Variants in ADAMTS8 observed in about 807,000 individuals in gnomAD.
The protein encoded by ADAMTS8 is A disintegrin and metalloproteinase with thrombospondin motifs 8.
ADAMTS8 carries 50 observed loss-of-function variants against 64.4 expected under a neutral mutation model. The observed-to-expected ratio is 0.78, with a 90% confidence interval of 0.62 to 0.98. The LOEUF (loss-of-function observed/expected upper bound fraction) is 0.98, where lower values mean the gene tolerates loss of function less well. ADAMTS8 is among the 50% of genes least tolerant of loss of function. ADAMTS8 has a pLI of 0.00. For synonymous variants in ADAMTS8, 556 were observed against 533.6 expected (o/e 1.04, Z -0.58); for missense variants, 1,192 against 1,208.2 (o/e 0.99, Z 0.20).
intron 2 of ADAMTS8, 101 bp downstream of exon 2, chr11:130,418,952 A>G (rs1862061941): frequency 1.3e-5 from 20 of 1,555,416 alleles, no homozygotes; most frequent in Non-Finnish European, 1.7e-5. Flanking sequence ...TGGGGCCAGC[A>G]GGGAGACGTT....
chr11:130,428,354 G>T lies in ADAMTS8; in HGVS notation c.-68C>A, dbSNP rs780502382. 1.2e-4 allele frequency: 154 copies of T among 1,240,546 alleles called. No homozygotes were observed. In the African/African-American group the frequency reaches 2.2e-3, roughly 18 times the overall value. 76.8% of individuals were successfully genotyped at this position (1,240,546 alleles called of 1,614,324 possible). On this transcript the variant is annotated 5_prime_UTR_variant, in exon 1 of 9. Transcript: ENST00000257359. Reference sequence around the variant, plus strand: ...CGCCAGGCGCGGGCAGGTGCTGGCGGCCCGAGCGCGGCCCGGCCGCTCTCT... The same window carrying T: ...CGCCAGGCGCGGGCAGGTGCTGGCGTCCCGAGCGCGGCCCGGCCGCTCTCT...
intron 1 of ADAMTS8, among the ~76,000 whole-genome samples, chr11:130,420,857 T>G (rs1862089955): frequency 6.6e-6 from 1 of 152,172 alleles, no homozygotes; most frequent in Non-Finnish European, 1.5e-5. Flanking sequence ...CACATCATTA[T>G]GCAACCGGGG....
At position 130,411,710 on chromosome 11, in the gene ADAMTS8, G is replaced by T. The variant is rs1303139007; in HGVS notation, c.1567-110C>A. On this transcript the variant is annotated intron_variant, in intron 5 of 8. Transcript: ENST00000257359. This position sits in a 1 kb window ranked among gnomAD's most constrained non-coding sequence, Gnocchi z 4.2. Reference sequence around the variant, plus strand: ...TTCCTCATCTAGTCATTATCATCTTGGTGCATGGAGTGCCGTAAACTGCCT... The same window carrying T: ...TTCCTCATCTAGTCATTATCATCTTTGTGCATGGAGTGCCGTAAACTGCCT... The T allele has an allele frequency of 3.5e-6, 4 of 1,127,856 alleles. No homozygotes were observed. The East Asian group carries it at 7.3e-5, about 21-fold the overall frequency. 69.9% of individuals were successfully genotyped at this position (1,127,856 alleles called of 1,614,324 possible). A position where few individuals can be genotyped will look rare whatever the true frequency, so the allele number is the denominator to read the frequency against.
Position 130,416,310 on chromosome 11 carries a change from G to C in ADAMTS8, c.1117C>G (p.His373Asp). 1 of 1,568,742 alleles carries C rather than the reference G, an allele frequency of 6.4e-7. No individual in the cohort carries two copies. Residue 373 changes from histidine to aspartate, a missense_variant, in exon 4 of 9, where the codon CAC becomes GAC. By Grantham distance (81) the His-to-Asp change is moderately conservative. Coordinates refer to ENST00000257359, the MANE Select transcript of ADAMTS8 (RefSeq NM_007037.6). This position sits in a 1 kb window ranked among gnomAD's most constrained non-coding sequence, Gnocchi z 4.8. ...CGTGTGCAGGGCTTGGAGTCGTCGTGGGGCATGCTGAGGACGTGCCCTGGG... is the reference window on the plus strand; with the variant it reads ...CGTGTGCAGGGCTTGGAGTCGTCGTCGGGCATGCTGAGGACGTGCCCTGGG... The part of the protein sequence containing the change: ...HELGHVLSMP[H>D]DDSKPCTRLF...
intron 5 of ADAMTS8, 66 bp downstream of exon 5, chr11:130,414,465 C>A: frequency 6.6e-7 from 1 of 1,514,202 alleles, no homozygotes. Context: ...GAACAGCCCT[C>A]AGTCCTCCCC....
At position 130,417,088 on chromosome 11, in the gene ADAMTS8, G is replaced by T. The variant is rs1205639575; in HGVS notation, c.961-13C>A. The T allele has an allele frequency of 6.2e-6, 10 of 1,613,504 alleles. No homozygotes were observed. Among genetic ancestry groups the T allele is most frequent in the Non-Finnish European group, 8.5e-6 (10 of 1,179,902 alleles). ...GCCCACAGAAGTTCTGCGTGGCGGG[G>T]AGAGAGCAAGAGAGTGCATCAGTGT... On this transcript the variant is annotated splice_polypyrimidine_tract_variant and intron_variant, in intron 2 of 8. Transcript: ENST00000257359.
intron 8 of ADAMTS8, 93 bp downstream of exon 8, chr11:130,408,371 A>G: frequency 2.1e-6 from 3 of 1,458,736 alleles, no homozygotes; most frequent in Non-Finnish European, 2.8e-6. Flanking sequence ...ACAGCTATTA[A>G]GTAGCAGCCA....
intron 5 of ADAMTS8, among the ~76,000 whole-genome samples, chr11:130,413,624 A>C (rs1861980726): frequency 6.6e-6 from 1 of 152,028 alleles, no homozygotes; most frequent in Non-Finnish European, 1.5e-5. Context: ...AAAAACCCTC[A>C]CTGGCACTGC....
At chr11:130,414,915 C>T in intron 4 of ADAMTS8, 83 bp from the exon 5 acceptor site, 1 of 1,388,790 alleles carries the variant, frequency 7.2e-7, no homozygotes, top group Non-Finnish European at 9.6e-7. Flanking sequence ...ATGGATGGCA[C>T]TGAAGGTCTA....
chr11:130,416,333 G>T lies in ADAMTS8; in HGVS notation c.1097-3C>A, dbSNP rs376564329. On this transcript the variant is annotated splice_polypyrimidine_tract_variant and splice_region_variant and intron_variant, in intron 3 of 8. Coordinates refer to ENST00000257359, the MANE Select transcript of ADAMTS8 (RefSeq NM_007037.6). The surrounding 1 kb of genome is among the most constrained non-coding windows in gnomAD (Gnocchi z 4.8). Reference sequence around the variant, plus strand: ...GTGGGGCATGCTGAGGACGTGCCCTGGGGAGAGAGGCCTGGTCCACTCCGC... The same window carrying T: ...GTGGGGCATGCTGAGGACGTGCCCTTGGGAGAGAGGCCTGGTCCACTCCGC... The T allele has an allele frequency of 1.3e-6, 2 of 1,555,906 alleles. No homozygotes were observed. The highest frequency in any genetic ancestry group is 1.7e-6 in the Non-Finnish European group (2 of 1,150,602).
chr11:130,416,206 G>T lies in ADAMTS8; in HGVS notation c.1221C>A (p.Pro407=). Residue 407 remains proline (P), a synonymous_variant, in exon 4 of 9, where the codon CCC becomes CCA. Transcript: ENST00000257359. The surrounding 1 kb of genome is among the most constrained non-coding windows in gnomAD (Gnocchi z 4.8). ...VHLNQTLPWS[P]CSAMYLTELL... ...GCTCTGTGAGATACATGGCGCTGCA[G>T]GGGGACCAGGGCAGCGTCTGGTTCA... 6.3e-7 allele frequency: 1 copy of T among 1,597,704 alleles called. No homozygotes were observed. Among genetic ancestry groups the T allele is most frequent in the South Asian group, 1.1e-5 (1 of 88,130 alleles).
Position 130,405,830 on chromosome 11 carries a change from G to C in ADAMTS8, c.2398C>G (p.Pro800Ala), listed in dbSNP as rs752431460. The change falls in exon 9 of 9, where the codon CCA (proline) becomes GCA (alanine). Residue 800 changes from proline (P) to alanine (A), a missense_variant. This residue lies in a region of ADAMTS8 where 147 missense variants were observed against 154.1 expected (regional missense o/e 0.95). Coordinates refer to ENST00000257359, the MANE Select transcript of ADAMTS8 (RefSeq NM_007037.6). ...ACAAAGAAGGTGTATTTGACTTTTG[G>C]GGGGAAGACCTCGCCAGGGACTGTC... The part of the protein sequence containing the change: ...LLTVPGEVFP[P>A]KVKYTFFVPN... 4.6e-5 allele frequency: 75 copies of C among 1,613,846 alleles called. No individual in the cohort carries two copies. The South Asian group carries it at 5.7e-4, about 12-fold the overall frequency.
At chr11:130,425,567 T>C (rs1431166611) in intron 1 of ADAMTS8, among the ~76,000 whole-genome samples, 1 of 151,876 alleles carries the variant, frequency 6.6e-6, no homozygotes, top group African/African-American at 2.4e-5. Flanking sequence ...AATGGGTGCA[T>C]CTTAGCTTCT....
rs751289132 is a variant in ADAMTS8 at position 130,408,873 on chromosome 11, A to T, written c.1818T>A (p.Asn606Lys). The T allele has an allele frequency of 2.2e-5, 36 of 1,610,620 alleles. No homozygotes were observed. The highest frequency in any genetic ancestry group is 3.1e-5 in the Non-Finnish European group (36 of 1,178,608). The change falls in exon 7 of 9, where the codon AAT (asparagine) becomes AAA (lysine). Residue 606 changes from asparagine to lysine, a missense_variant. Around this residue, in one of 5 missense-constraint regions of ADAMTS8, gnomAD observed 290 missense variants for 297.8 expected, o/e 0.97. Transcript: ENST00000257359. ...NAYNYTDMDGNLLQWVPKYAG... is the reference protein window; with the variant it reads ...NAYNYTDMDGKLLQWVPKYAG... ...CATACTTGGGGACCCACTGCAGGAGATTCCCGTCCATGTCAGTGTAATTGT... is the reference window on the plus strand; with the variant it reads ...CATACTTGGGGACCCACTGCAGGAGTTTCCCGTCCATGTCAGTGTAATTGT...
At chr11:130,425,544 G>A (rs895164120) in intron 1 of ADAMTS8, among the ~76,000 whole-genome samples, 1 of 151,906 alleles carries the variant, frequency 6.6e-6, no homozygotes, top group Non-Finnish European at 1.5e-5. Flanking sequence ...GTAGCACCCC[G>A]CTCTGGGTTT....
In ADAMTS8 at chr11:130,428,105, C is replaced by T. The variant is rs1391404480; in HGVS notation, c.182G>A (p.Gly61Asp). Residue 61 changes from glycine to aspartate, a missense_variant, in exon 1 of 9, where the codon GGC (glycine) becomes GAC (aspartate). Coordinates refer to ENST00000257359, the MANE Select transcript of ADAMTS8 (RefSeq NM_007037.6). Reference protein sequence around the residue: ...GELALHLSAFGKGFVLRLAPD... With the variant: ...GELALHLSAFDKGFVLRLAPD... ...CGCCAGGCGCAGCACGAAGCCCTTGCCGAAGGCGGACAGGTGGAGCGCGAG... is the reference window on the plus strand; with the variant it reads ...CGCCAGGCGCAGCACGAAGCCCTTGTCGAAGGCGGACAGGTGGAGCGCGAG... 4 of 1,532,406 alleles carry T rather than the reference C, an allele frequency of 2.6e-6. No homozygotes were observed. The highest frequency in any genetic ancestry group is 1.9e-5 in the Admixed American group (1 of 51,844). 94.9% of individuals were successfully genotyped at this position (1,532,406 alleles called of 1,614,324 possible).
At chr11:130,413,103 T>G (rs893396486) in intron 5 of ADAMTS8, among the ~76,000 whole-genome samples, 7 of 152,202 alleles carry the variant, frequency 4.6e-5, no homozygotes, top group Admixed American at 1.3e-4. Context: ...ACTCCTGACC[T>G]CAGGTGATCC....
rs1862062244 is a variant in ADAMTS8, at chr11:130,418,983, C to T, written c.960+70G>A. On this transcript the variant is annotated intron_variant, in intron 2 of 8. Coordinates refer to ENST00000257359, the MANE Select transcript of ADAMTS8 (RefSeq NM_007037.6). ...ACGTTTCCCATGTTTGGGCAGGCCT[C>T]GTGGTCCTCCCTTTGATCTGCCCAT... 6 of 1,599,128 alleles carry T rather than the reference C, an allele frequency of 3.8e-6. No individual in the cohort carries two copies. The Middle Eastern group carries it at 5.7e-4, about 152-fold the overall frequency.
chr11:130,428,480 T>C lies in ADAMTS8; in HGVS notation c.-194A>G, dbSNP rs1178075265. ...GGCCCCTCTGGCTGGCGCAGCCCGC[T>C]CCTCCCGCGCCGCCGCCCCCGAGCC... On this transcript the variant is annotated 5_prime_UTR_variant, in exon 1 of 9. Transcript: ENST00000257359. 3 of 988,326 alleles carry C rather than the reference T, an allele frequency of 3.0e-6. No individual in the cohort carries two copies. Among genetic ancestry groups the C allele is most frequent in the Admixed American group, 6.1e-5 (1 of 16,310 alleles). 61.2% of individuals were successfully genotyped at this position (988,326 alleles called of 1,614,324 possible).
Sources: allele counts gnomAD v4.1 joint callset (sites outside exome capture counted in the v4.1 genomes callset), GRCh38; gene constraint gnomAD v4.1.1; regional missense constraint gnomAD v4.1.1; non-coding constraint Gnocchi (gnomAD v3.1); transcripts MANE v1.5; gene names NCBI Gene and HGNC (gene_info 2026-07-23, HGNC 2026-07-21).